Variants in GRIN2A observed in about 807,000 individuals in gnomAD.
The protein encoded by GRIN2A is glutamate receptor ionotropic, NMDA 2A.
Under a neutral mutation model 113.4 loss-of-function variants are expected in GRIN2A, and 22 were observed. The observed-to-expected ratio is 0.19, with a 90% CI of 0.14 to 0.28. The LOEUF (loss-of-function observed/expected upper bound fraction) is 0.28, where lower values mean the gene tolerates loss of function less well. GRIN2A is among the 10% of genes least tolerant of loss of function. The pLI, the probability that GRIN2A is intolerant of heterozygous loss-of-function variation, is 1.00. For missense variants in GRIN2A, 1,502 were observed against 1,887.0 expected (o/e 0.80, Z 3.78); for synonymous variants, 827 against 738.4 (o/e 1.12, Z -1.94).
rs926746075 is a variant in GRIN2A at position 9,861,739 on chromosome 16, G to C, written c.1123-11778C>G. 4.6e-5 allele frequency among the ~76,000 whole-genome samples: 7 copies of C among 152,290 alleles called. No homozygotes were observed. The South Asian group carries it at 1.5e-3, about 32-fold the overall frequency. ...TTGGAACTCAATTTTCCCCTGTGTG[G>C]TATGCACAAACAAGTTTCTATGCAG... On this transcript the variant is annotated intron_variant, in intron 4 of 12. Coordinates refer to ENST00000330684, the MANE Select transcript of GRIN2A (RefSeq NM_001134407.3).
At chr16:9,851,958 A>G (rs755614037) in intron 4 of GRIN2A, among the ~76,000 whole-genome samples, 1 of 152,186 alleles carries the variant, frequency 6.6e-6, no homozygotes, top group Non-Finnish European at 1.5e-5. Context: ...CTGTCACCTT[A>G]CCTGTAAAAT....
At chr16:10,023,264 T>C (rs1463886697) in intron 2 of GRIN2A, among the ~76,000 whole-genome samples, 2 of 152,166 alleles carry the variant, frequency 1.3e-5, no homozygotes, top group Non-Finnish European at 2.9e-5. Flanking sequence ...AAATCTGAAA[T>C]AACTCATCCA....
At chr16:9,951,863 C>G (rs763162223) in intron 2 of GRIN2A, among the ~76,000 whole-genome samples, 1 of 152,186 alleles carries the variant, frequency 6.6e-6, no homozygotes, top group Non-Finnish European at 1.5e-5. Flanking sequence ...GAGCCCAAGT[C>G]AGCCCATGTG....
At chr16:10,013,188 A>G (rs1298284425) in intron 2 of GRIN2A, among the ~76,000 whole-genome samples, 2 of 152,196 alleles carry the variant, frequency 1.3e-5, no homozygotes, top group African/African-American at 4.8e-5. Context: ...AAAGAGATCC[A>G]TCCCTAGATA....
chr16:10,059,363 G>A (rs1355641556), intron 2 of GRIN2A, among the ~76,000 whole-genome samples: 1 of 147,322 alleles, frequency 6.8e-6, no homozygotes, highest in Non-Finnish European at 1.5e-5. Flanking sequence ...CCAGTTTAGA[G>A]GCCATTGCAT....
chr16:9,969,162 A>AC (rs2045619933), intron 2 of GRIN2A, among the ~76,000 whole-genome samples: 1 of 152,136 alleles, frequency 6.6e-6, no homozygotes, highest in African/African-American at 2.4e-5. Context: ...ATCCTGTTGC[A>AC]CAAAACAGGT....
chr16:10,053,286 T>C lies in GRIN2A; in HGVS notation c.415-114735A>G, dbSNP rs375372474. On this transcript the variant is annotated intron_variant, in intron 2 of 12. Coordinates refer to ENST00000330684, the MANE Select transcript of GRIN2A (RefSeq NM_001134407.3). ...GGATCCTATGGAAAAGGTGGTTTGATCTACAGGACCTTAAATGTCAGGCTA... is the reference window on the plus strand; with the variant it reads ...GGATCCTATGGAAAAGGTGGTTTGACCTACAGGACCTTAAATGTCAGGCTA... Among the ~76,000 whole-genome samples, 55 of 152,344 alleles carry C rather than the reference T, an allele frequency of 3.6e-4. 1 individual carries two copies. The highest frequency in any genetic ancestry group is 2.7e-3 in the South Asian group (13 of 4,824).
At chr16:9,994,351 C>T (rs1042505158) in intron 2 of GRIN2A, among the ~76,000 whole-genome samples, 4 of 152,164 alleles carry the variant, frequency 2.6e-5, no homozygotes, top group African/African-American at 9.7e-5. Context: ...CTCCTTCTCT[C>T]TAAGGCAATA....
chr16:10,138,684 T>C (rs2049255871), intron 2 of GRIN2A, among the ~76,000 whole-genome samples: 1 of 152,082 alleles, frequency 6.6e-6, no homozygotes, highest in African/African-American at 2.4e-5. Context: ...TGAGCCTCAG[T>C]TTTCCCATCT....
chr16:9,836,331 A>T (rs1424738791), intron 7 of GRIN2A, among the ~76,000 whole-genome samples: 9 of 152,210 alleles, frequency 5.9e-5, no homozygotes, highest in Admixed American at 5.9e-4. Context: ...CATGGTTCTG[A>T]AAAGGGCGTG....
intron 4 of GRIN2A, among the ~76,000 whole-genome samples, chr16:9,881,801 A>T (rs560494406): frequency 6.8e-4 from 103 of 152,326 alleles, no homozygotes; most frequent in African/African-American, 2.3e-3. Flanking sequence ...CTAAGCAAAG[A>T]GAGTTGTAAT....
chr16:9,864,752 G>C (rs552799979), intron 4 of GRIN2A, among the ~76,000 whole-genome samples: 1 of 152,214 alleles, frequency 6.6e-6, no homozygotes, highest in African/African-American at 2.4e-5. Context: ...CATCCCCCTC[G>C]CCTGTGAAAA....
chr16:9,979,849 G>GTGTA (rs914125634), intron 2 of GRIN2A, among the ~76,000 whole-genome samples: 2 of 106,868 alleles, frequency 1.9e-5, no homozygotes, highest in African/African-American at 7.8e-5. Flanking sequence ...TATATTCTGT[G>GTGTA]TGTGTGTGTG....
At chr16:10,003,185 T>A (rs780371129) in intron 2 of GRIN2A, among the ~76,000 whole-genome samples, 17 of 152,298 alleles carry the variant, frequency 1.1e-4, no homozygotes, top group Middle Eastern at 3.4e-3. Flanking sequence ...CCCTGATCCT[T>A]CATCTATTTT....
At chr16:10,159,998 A>G (rs1325416734) in intron 2 of GRIN2A, among the ~76,000 whole-genome samples, 6 of 152,088 alleles carry the variant, frequency 3.9e-5, no homozygotes, top group Non-Finnish European at 7.4e-5. Context: ...AAGGAAACAG[A>G]CTCTTCCCCA....
chr16:10,051,032 A>G (rs11642357), intron 2 of GRIN2A, among the ~76,000 whole-genome samples: 32,147 of 152,234 alleles, frequency 0.21, 4,260 homozygotes, highest in East Asian at 0.37. Context: ...ACTCGAGAGC[A>G]TGTCCCAGGC....
chr16:10,041,426 AC>A (rs2047165083), intron 2 of GRIN2A, among the ~76,000 whole-genome samples: 1 of 152,084 alleles, frequency 6.6e-6, no homozygotes, highest in Admixed American at 6.5e-5. Context: ...TGCTGTACCT[AC>A]TCCCTGAAGC....
intron 2 of GRIN2A, among the ~76,000 whole-genome samples, chr16:10,099,528 G>A (rs796428163): frequency 3.3e-5 from 5 of 152,194 alleles, no homozygotes; most frequent in African/African-American, 9.6e-5. Context: ...AAGAAAATGT[G>A]GAAGTTGGTG....
At chr16:10,038,801 T>C (rs1346046866) in intron 2 of GRIN2A, among the ~76,000 whole-genome samples, 1 of 149,722 alleles carries the variant, frequency 6.7e-6, no homozygotes, top group Non-Finnish European at 1.5e-5. Flanking sequence ...TGAGCCGAGA[T>C]CGCGCCACTG....
Sources: allele counts gnomAD v4.1 joint callset (sites outside exome capture counted in the v4.1 genomes callset), GRCh38; gene constraint gnomAD v4.1.1; transcripts MANE v1.5; gene names NCBI Gene and HGNC (gene_info 2026-07-23, HGNC 2026-07-21).